The following CORIN variants were observed in gnomAD, a reference collection of about 807,000 sequenced individuals.
CORIN encodes atrial natriuretic peptide-converting enzyme.
CORIN carries 117 observed loss-of-function variants against 125.3 expected under a neutral mutation model. The ratio of observed to expected loss-of-function variants is 0.93; its 90% confidence interval spans 0.80 to 1.09. CORIN has a LOEUF of 1.09. Among genes scored for constraint, CORIN ranks in the 50% least tolerant of loss-of-function variants. The pLI, the probability that CORIN is intolerant of heterozygous loss-of-function variation, is 0.00. For missense variants in CORIN, 1,253 were observed against 1,306.7 expected, an observed-to-expected ratio of 0.96 and a Z score of 0.63; for synonymous variants, 450 against 466.4, an observed-to-expected ratio of 0.96 and a Z score of 0.45.
chr4:47,819,493 C>T (rs1447873724), intron 1 of CORIN, among the ~76,000 whole-genome samples: 1 of 152,016 alleles, frequency 6.6e-6, no homozygotes, highest in African/African-American at 2.4e-5. Flanking sequence ...ACAAAAATAG[C>T]CAGGGAAAGA....
At chr4:47,766,620 C>T (rs28474765) in intron 3 of CORIN, among the ~76,000 whole-genome samples, 8,366 of 151,980 alleles carry the variant, frequency 0.055, 721 homozygotes, top group African/African-American at 0.19. Flanking sequence ...GCCAGAAAAA[C>T]AAATAGAGAA....
At chr4:47,683,225 A>G (rs1307567395) in intron 7 of CORIN, 1 of 152,262 alleles carries the variant, frequency 6.6e-6, no homozygotes, top group Non-Finnish European at 1.5e-5. Context: ...TCTTTAAAAG[A>G]TAAGATCACC....
chr4:47,832,183 G>A (rs1279966787), intron 1 of CORIN, among the ~76,000 whole-genome samples: 3 of 152,094 alleles, frequency 2.0e-5, no homozygotes, highest in Non-Finnish European at 4.4e-5. Flanking sequence ...CTCATAGGGA[G>A]GGAAAAGAAC....
intron 5 of CORIN, among the ~76,000 whole-genome samples, chr4:47,694,463 G>C (rs1278786225): frequency 6.6e-6 from 1 of 151,816 alleles, no homozygotes; most frequent in Non-Finnish European, 1.5e-5. Flanking sequence ...CAAAGCTTGT[G>C]TGTGTGTGTG....
chr4:47,790,519 C>A (rs2109925024), intron 2 of CORIN, among the ~76,000 whole-genome samples: 1 of 152,236 alleles, frequency 6.6e-6, no homozygotes, highest in South Asian at 2.1e-4. Context: ...TGTCTGTGAG[C>A]CTAATCTTTC....
At chr4:47,718,530 A>T (rs1727205013) in intron 5 of CORIN, among the ~76,000 whole-genome samples, 2 of 152,346 alleles carry the variant, frequency 1.3e-5, no homozygotes, top group Non-Finnish European at 2.9e-5. Flanking sequence ...GATTATTGTC[A>T]TTGTTATTAC....
intron 5 of CORIN, among the ~76,000 whole-genome samples, chr4:47,711,648 C>A (rs7654322): frequency 0.19 from 29,359 of 152,058 alleles, 2,971 homozygotes; most frequent in East Asian, 0.32. Context: ...TCTTGCTTAA[C>A]AGAGAAAAAA....
intron 19 of CORIN, among the ~76,000 whole-genome samples, chr4:47,621,850 C>CTT (rs869215076): frequency 7.2e-6 from 1 of 138,746 alleles, no homozygotes; most frequent in Admixed American, 7.3e-5. Context: ...AGATAAAAAT[C>CTT]TTTTTTTTTT....
intron 3 of CORIN, among the ~76,000 whole-genome samples, chr4:47,772,318 AG>A (rs1231500685): frequency 6.6e-6 from 1 of 152,230 alleles, no homozygotes; most frequent in African/African-American, 2.4e-5. Context: ...GTGTAGGAAG[AG>A]GCAGATGAAG....
At chr4:47,773,721 T>A (rs1730165065) in intron 3 of CORIN, among the ~76,000 whole-genome samples, 2 of 152,036 alleles carry the variant, frequency 1.3e-5, no homozygotes, top group South Asian at 4.1e-4. Context: ...AAAATACACA[T>A]AAAACATGTC....
intron 5 of CORIN, among the ~76,000 whole-genome samples, chr4:47,719,185 T>A (rs533917574): frequency 6.6e-6 from 1 of 152,202 alleles, no homozygotes; most frequent in East Asian, 1.9e-4. Flanking sequence ...CTTTGGCAAG[T>A]AGTATGACAA....
chr4:47,758,562 T>C (rs1223291641), intron 4 of CORIN, among the ~76,000 whole-genome samples: 1 of 152,142 alleles, frequency 6.6e-6, no homozygotes, highest in Admixed American at 6.5e-5. Context: ...TCACACTACC[T>C]AACTTCAAAA....
chr4:47,635,677 C>A (rs75123567), intron 16 of CORIN, among the ~76,000 whole-genome samples: 23,014 of 152,100 alleles, frequency 0.15, 2,342 homozygotes, highest in South Asian at 0.26. Flanking sequence ...GATTTTCAGT[C>A]CAAACTGTAA....
intron 10 of CORIN, among the ~76,000 whole-genome samples, chr4:47,666,711 T>C (rs1258894890): frequency 1.3e-5 from 2 of 152,078 alleles, no homozygotes; most frequent in African/African-American, 2.4e-5. Context: ...CTCTCAGCCA[T>C]GTGAGGAAAC....
chr4:47,692,859 T>C (rs1315096311), intron 6 of CORIN, 111 bp downstream of exon 6: 1 of 786,180 alleles, frequency 1.3e-6, no homozygotes, highest in African/African-American at 1.7e-5. Flanking sequence ...GATAAACACG[T>C]TTGCTCGCTT....
At chr4:47,814,876 A>G (rs1209778406) in intron 1 of CORIN, among the ~76,000 whole-genome samples, 3 of 152,190 alleles carry the variant, frequency 2.0e-5, no homozygotes, top group Non-Finnish European at 1.5e-5. Flanking sequence ...AAAGTTAACA[A>G]AATAACAGCA....
chr4:47,735,713 G>A (rs971402451), intron 5 of CORIN, among the ~76,000 whole-genome samples: 7 of 152,052 alleles, frequency 4.6e-5, no homozygotes, highest in Non-Finnish European at 8.8e-5. Flanking sequence ...GAGGTCAGGA[G>A]ATCAAGACCA....
rs192222027 is a variant in CORIN at position 47,699,640 on chromosome 4, G to A, written c.800-6557C>T. Reference sequence around the variant, plus strand: ...AATAAATGAAGACTGAGAATATGAGGTGTCTATGGAGCATGAATAAATGAT... The same window carrying A: ...AATAAATGAAGACTGAGAATATGAGATGTCTATGGAGCATGAATAAATGAT... On this transcript the variant is annotated intron_variant, in intron 5 of 21. Coordinates refer to ENST00000273857, the MANE Select transcript of CORIN (RefSeq NM_006587.4). Among the ~76,000 whole-genome samples the A allele has an allele frequency of 1.4e-3, 207 of 152,334 alleles. 2 individuals are homozygous for A. The highest frequency in any genetic ancestry group is 4.3e-3 in the Admixed American group (66 of 15,304).
In CORIN at chr4:47,623,645, T is replaced by A; in HGVS notation, c.2466A>T (p.Glu822Asp). The change falls in exon 19 of 22, where the codon GAA (glutamate) becomes GAT (aspartate). Residue 822 changes from glutamate to aspartate, a missense_variant. Physicochemically the swap from Glu to Asp is conservative, Grantham distance 45. Transcript: ENST00000273857. ...RWPWQCSLQSEPSGHICGCVL... is the reference protein window; with the variant it reads ...RWPWQCSLQSDPSGHICGCVL... The stretch of plus-strand genomic sequence containing the variant: ...CACAGCCACAGATATGTCCACTGGG[T>A]TCACTCTGCAGAGAACACTGCCATG... 6.2e-7 allele frequency: 1 copy of A among 1,614,130 alleles called. No homozygotes were observed.
Sources: gnomAD v4.1 joint callset for allele counts (sites outside exome capture counted in the v4.1 genomes callset) on GRCh38, gnomAD v4.1.1 for gene constraint, MANE v1.5 for transcripts, NCBI Gene and HGNC (gene_info 2026-07-23, HGNC 2026-07-21) for gene names.